The following CACNA2D3 variants were observed in gnomAD, a reference collection of about 807,000 sequenced individuals.
The protein encoded by CACNA2D3 is calcium voltage-gated channel auxiliary subunit alpha2delta 3.
A neutral mutation model predicts 160.6 loss-of-function variants in CACNA2D3; 60 were observed. That is an observed-to-expected ratio of 0.37 (90% confidence interval 0.30 to 0.46). CACNA2D3 has a LOEUF of 0.46. Ranked by LOEUF, CACNA2D3 falls within the 20% of genes least tolerant of loss-of-function variation. The pLI, the probability that CACNA2D3 is intolerant of heterozygous loss-of-function variation, is 1.00. For synonymous variants in CACNA2D3, 558 were observed against 492.9 expected (o/e 1.13, Z -1.75); for missense variants, 1,205 against 1,365.0 (o/e 0.88, Z 1.85).
intron 9 of CACNA2D3, among the ~76,000 whole-genome samples, chr3:54,624,676 T>G (rs1699058747): frequency 6.6e-6 from 1 of 152,174 alleles, no homozygotes; most frequent in African/African-American, 2.4e-5. Context: ...TGAGTGCAAT[T>G]AAGGCATTTG....
At chr3:55,040,691 TAAAA>T (rs372505212) in intron 35 of CACNA2D3, among the ~76,000 whole-genome samples, 2 of 152,088 alleles carry the variant, frequency 1.3e-5, no homozygotes, top group Non-Finnish European at 2.9e-5. Context: ...TCTCTAATAA[TAAAA>T]AAGCCATTTG....
At chr3:54,193,829 G>A (rs1701024177) in intron 2 of CACNA2D3, among the ~76,000 whole-genome samples, 1 of 152,174 alleles carries the variant, frequency 6.6e-6, no homozygotes, top group South Asian at 2.1e-4. Flanking sequence ...CTTCACTTAT[G>A]GACCATGTGG....
At chr3:54,690,540 C>T (rs1019130547) in intron 11 of CACNA2D3, among the ~76,000 whole-genome samples, 1 of 152,050 alleles carries the variant, frequency 6.6e-6, no homozygotes, top group Non-Finnish European at 1.5e-5. Context: ...GTGTGAACTG[C>T]TTATTTTTAC....
At chr3:54,777,820 C>T (rs1450176700) in intron 13 of CACNA2D3, among the ~76,000 whole-genome samples, 1 of 152,210 alleles carries the variant, frequency 6.6e-6, no homozygotes, top group Non-Finnish European at 1.5e-5. Context: ...ACACTGTCCA[C>T]ACACCTTATA....
chr3:54,496,188 A>G lies in CACNA2D3; in HGVS notation c.382-7304A>G, dbSNP rs932035607. On this transcript the variant is annotated intron_variant, in intron 4 of 37. Coordinates refer to ENST00000474759, the MANE Select transcript of CACNA2D3 (RefSeq NM_018398.3). ...TAGCTAGAAGTGGAATTGCTGGGTC[A>G]TATGGTAGATATATGTTTAACATTA... Among the ~76,000 whole-genome samples the G allele has an allele frequency of 2.6e-5, 4 of 152,364 alleles. No homozygotes were observed. In the East Asian group the frequency reaches 5.8e-4, roughly 22 times the overall value.
At chr3:54,445,988 T>A (rs1249751928) in intron 4 of CACNA2D3, among the ~76,000 whole-genome samples, 1 of 152,076 alleles carries the variant, frequency 6.6e-6, no homozygotes, top group Non-Finnish European at 1.5e-5. Context: ...GTGGACTGAG[T>A]GGCCTGAAAG....
chr3:54,184,139 A>C (rs1448673328), intron 2 of CACNA2D3, among the ~76,000 whole-genome samples: 1 of 152,164 alleles, frequency 6.6e-6, no homozygotes, highest in Non-Finnish European at 1.5e-5. Context: ...GCAGGAAATA[A>C]GTACTCTTAC....
chr3:55,067,104 G>C (rs1355929297), intron 35 of CACNA2D3, among the ~76,000 whole-genome samples: 1 of 151,254 alleles, frequency 6.6e-6, no homozygotes, highest in Non-Finnish European at 1.5e-5. Flanking sequence ...TTTGTAGCGG[G>C]GGGGGCTTTT....
At chr3:54,697,562 T>C (rs979755852) in intron 11 of CACNA2D3, among the ~76,000 whole-genome samples, 7 of 152,212 alleles carry the variant, frequency 4.6e-5, no homozygotes, top group Non-Finnish European at 8.8e-5. Flanking sequence ...CTGCCCTTTC[T>C]CCACCTCTTT....
At chr3:54,413,048 A>G (rs1271520975) in intron 4 of CACNA2D3, among the ~76,000 whole-genome samples, 1 of 151,866 alleles carries the variant, frequency 6.6e-6, no homozygotes, top group Non-Finnish European at 1.5e-5. Context: ...GACCCCTTTT[A>G]GCAATTTTTA....
intron 35 of CACNA2D3, among the ~76,000 whole-genome samples, chr3:55,064,132 C>T (rs1198946458): frequency 6.6e-6 from 1 of 152,222 alleles, no homozygotes; most frequent in Non-Finnish European, 1.5e-5. Context: ...GGGCTTCTCC[C>T]TCCCACTAGC....
At chr3:54,938,021 A>G (rs1250797652) in intron 27 of CACNA2D3, among the ~76,000 whole-genome samples, 1 of 152,214 alleles carries the variant, frequency 6.6e-6, no homozygotes, top group Non-Finnish European at 1.5e-5. Flanking sequence ...GGAGGTAAAG[A>G]GGATGTTGAT....
At chr3:54,675,330 A>C (rs1700220615) in intron 11 of CACNA2D3, among the ~76,000 whole-genome samples, 1 of 152,108 alleles carries the variant, frequency 6.6e-6, no homozygotes, top group African/African-American at 2.4e-5. Flanking sequence ...GCTGATGCTG[A>C]ACCAGGAATG....
intron 11 of CACNA2D3, among the ~76,000 whole-genome samples, chr3:54,740,824 A>C (rs1309374578): frequency 1.3e-5 from 2 of 152,212 alleles, no homozygotes; most frequent in Non-Finnish European, 1.5e-5. Flanking sequence ...GGAAAAGGCA[A>C]CTGTGCTATC....
chr3:54,178,176 G>T (rs559500662), intron 2 of CACNA2D3, among the ~76,000 whole-genome samples: 1 of 152,304 alleles, frequency 6.6e-6, no homozygotes, highest in Non-Finnish European at 1.5e-5. Context: ...GGTCAGTTTG[G>T]TCATGAACCC....
chr3:54,456,966 G>A (rs905398972), intron 4 of CACNA2D3, among the ~76,000 whole-genome samples: 21 of 150,908 alleles, frequency 1.4e-4, no homozygotes, highest in Admixed American at 1.3e-3. Context: ...TTCTCATTTT[G>A]CTTACTTGGG....
rs200934865 is a variant in CACNA2D3, at chr3:54,702,694, TAGAAC to T, written c.1168-49899_1168-49895del. On this transcript the variant is annotated intron_variant, in intron 11 of 37. Coordinates refer to ENST00000474759, the MANE Select transcript of CACNA2D3 (RefSeq NM_018398.3). ...GCAGTTGGAGATTTCTCAGAGAACT[TAGAAC>T]AGAACTACTATTCAACCCAGCAATC... Among the ~76,000 whole-genome samples the T allele has an allele frequency of 5.5e-3, 840 of 152,278 alleles. 10 individuals carry two copies. The highest frequency in any genetic ancestry group is 0.019 in the African/African-American group (803 of 41,544).
intron 11 of CACNA2D3, among the ~76,000 whole-genome samples, chr3:54,675,509 T>A (rs1364355219): frequency 1.3e-5 from 2 of 152,068 alleles, no homozygotes; most frequent in East Asian, 3.9e-4. Flanking sequence ...GGAAAGGTGG[T>A]CAGTCAGTCC....
intron 16 of CACNA2D3, among the ~76,000 whole-genome samples, chr3:54,840,871 C>T (rs781071057): frequency 2.2e-4 from 34 of 151,360 alleles, no homozygotes; most frequent in Admixed American, 7.2e-4. Context: ...TACAGGTGCC[C>T]GCCACCACAC....
Sources: allele counts gnomAD v4.1 joint callset (sites outside exome capture counted in the v4.1 genomes callset), GRCh38; gene constraint gnomAD v4.1.1; transcripts MANE v1.5; gene names NCBI Gene and HGNC (gene_info 2026-07-23, HGNC 2026-07-21).